GALNT13: variants seen among roughly 807,000 people sequenced by gnomAD.
The protein encoded by GALNT13 is polypeptide N-acetylgalactosaminyltransferase 13.
Under a neutral mutation model 64.2 loss-of-function variants are expected in GALNT13, and 28 were observed. The ratio of observed to expected loss-of-function variants is 0.44; its 90% CI spans 0.32 to 0.60. The LOEUF (loss-of-function observed/expected upper bound fraction) is 0.60. Among genes scored for constraint, GALNT13 ranks in the 20% least tolerant of loss-of-function variants. The pLI is 0.05. For synonymous variants in GALNT13, 214 were observed against 224.6 expected (o/e 0.95, Z 0.42); for missense variants, 577 against 669.8 (o/e 0.86, Z 1.53).
intron 9 of GALNT13, among the ~76,000 whole-genome samples, chr2:154,347,504 G>A (rs574162472): frequency 1.2e-4 from 18 of 151,924 alleles, no homozygotes; most frequent in Admixed American, 6.6e-5. Context: ...TTGACCAATT[G>A]TCAGATTTGG....
chr2:153,176,752 G>T, the GALNT13 span, among the ~76,000 whole-genome samples: 2 of 141,870 alleles, frequency 1.4e-5, no homozygotes, highest in African/African-American at 5.2e-5. Context: ...GAAAAAATTC[G>T]TAGAAGTTGC....
chr2:153,357,831 G>C, the GALNT13 span, among the ~76,000 whole-genome samples: 1 of 152,078 alleles, frequency 6.6e-6, no homozygotes, highest in Non-Finnish European at 1.5e-5. Context: ...CTAAATATCT[G>C]TTTTTTGTAG....
the GALNT13 span, among the ~76,000 whole-genome samples, chr2:153,097,549 T>C: frequency 1.3e-5 from 2 of 152,194 alleles, no homozygotes; most frequent in Non-Finnish European, 2.9e-5. Flanking sequence ...CACATATTTC[T>C]TAAAGGTGCA....
chr2:153,310,800 A>G, the GALNT13 span, among the ~76,000 whole-genome samples: 1 of 152,156 alleles, frequency 6.6e-6, no homozygotes, highest in Non-Finnish European at 1.5e-5. Context: ...TAACCCCTGC[A>G]TTGCCCAAGG....
At chr2:154,277,790 A>T (rs930326943) in intron 8 of GALNT13, among the ~76,000 whole-genome samples, 2 of 152,208 alleles carry the variant, frequency 1.3e-5, no homozygotes, top group African/African-American at 4.8e-5. Context: ...ACATTTTCAA[A>T]ATTCCAAATT....
At chr2:153,924,577 G>T (rs1266047397) in intron 2 of GALNT13, among the ~76,000 whole-genome samples, 1 of 152,116 alleles carries the variant, frequency 6.6e-6, no homozygotes, top group Non-Finnish European at 1.5e-5. Flanking sequence ...TATATACCCA[G>T]TAATGAGATT....
the GALNT13 span, among the ~76,000 whole-genome samples, chr2:153,286,051 G>T: frequency 6.6e-6 from 1 of 152,092 alleles, no homozygotes; most frequent in African/African-American, 2.4e-5. Context: ...ATAGCAGAAA[G>T]AGATGGTCAG....
chr2:154,353,797 G>A (rs925370022), intron 9 of GALNT13, among the ~76,000 whole-genome samples: 2 of 152,048 alleles, frequency 1.3e-5, no homozygotes, highest in African/African-American at 4.8e-5. Context: ...GTATATATAT[G>A]CCACATTTCC....
chr2:153,345,666 T>TCTTTCTTC, the GALNT13 span, among the ~76,000 whole-genome samples: 357 of 143,134 alleles, frequency 2.5e-3, 5 homozygotes, highest in African/African-American at 8.9e-3. Context: ...TTTCTTTCTT[T>TCTTTCTTC]CTTTCTTTCT....
At chr2:154,146,233 T>TG (rs1490745433) in intron 4 of GALNT13, among the ~76,000 whole-genome samples, 2 of 151,732 alleles carry the variant, frequency 1.3e-5, no homozygotes, top group Non-Finnish European at 2.9e-5. Flanking sequence ...TATTATCATT[T>TG]GGGGGATAAT....
chr2:153,321,465 G>A, the GALNT13 span, among the ~76,000 whole-genome samples: 1 of 152,002 alleles, frequency 6.6e-6, no homozygotes, highest in African/African-American at 2.4e-5. Flanking sequence ...CATAATATAA[G>A]CACATATTAA....
the GALNT13 span, among the ~76,000 whole-genome samples, chr2:153,624,563 C>T: frequency 6.6e-6 from 1 of 152,110 alleles, no homozygotes; most frequent in Non-Finnish European, 1.5e-5. Flanking sequence ...AATGGGAAGA[C>T]ATGCAACAGA....
At chr2:153,892,978 C>T (rs1353996388) in intron 1 of GALNT13, among the ~76,000 whole-genome samples, 1 of 151,964 alleles carries the variant, frequency 6.6e-6, no homozygotes, top group African/African-American at 2.4e-5. Context: ...TTTATTTTTC[C>T]CTCACAAGAT....
chr2:153,909,692 G>A (rs1163182352), intron 2 of GALNT13, among the ~76,000 whole-genome samples: 1 of 152,140 alleles, frequency 6.6e-6, no homozygotes, highest in African/African-American at 2.4e-5. Context: ...TAAACATGTG[G>A]TTTTGACTTT....
chr2:153,315,894 C>T, the GALNT13 span, among the ~76,000 whole-genome samples: 3 of 152,056 alleles, frequency 2.0e-5, 1 homozygote, highest in South Asian at 6.2e-4. Flanking sequence ...AATATTTGCA[C>T]CATTTATATC....
intron 2 of GALNT13, among the ~76,000 whole-genome samples, chr2:153,943,981 G>A (rs1277648632): frequency 1.3e-5 from 2 of 152,138 alleles, no homozygotes; most frequent in South Asian, 2.1e-4. Context: ...GTCTATGAAG[G>A]CCAGATTTTA....
At chr2:153,244,117 G>C in the GALNT13 span, among the ~76,000 whole-genome samples, 1 of 147,318 alleles carries the variant, frequency 6.8e-6, no homozygotes. Context: ...AAAATTGGGG[G>C]GAAGGGAACG....
chr2:153,262,218 T>C, the GALNT13 span, among the ~76,000 whole-genome samples: 1 of 152,116 alleles, frequency 6.6e-6, no homozygotes, highest in Non-Finnish European at 1.5e-5. Context: ...GGGCCCACAG[T>C]GTGTACTGCC....
chr2:154,298,682 A>T (rs1378751266), intron 8 of GALNT13, among the ~76,000 whole-genome samples: 5 of 112,042 alleles, frequency 4.5e-5, no homozygotes, highest in African/African-American at 1.4e-4. Context: ...TTGTATATAC[A>T]ATTTATATAT....
Sources: gnomAD v4.1 joint callset for allele counts (sites outside exome capture counted in the v4.1 genomes callset) on GRCh38, gnomAD v4.1.1 for gene constraint, MANE v1.5 for transcripts, NCBI Gene and HGNC (gene_info 2026-07-23, HGNC 2026-07-21) for gene names.